Variants in AP1M1 observed in about 807,000 individuals in gnomAD.
AP1M1 encodes the protein AP-1 complex subunit mu-1.
In AP1M1, 18 loss-of-function variants were observed where a neutral mutation model predicts 57.1. The observed-to-expected ratio is 0.32, with a 90% CI of 0.22 to 0.47. The LOEUF (loss-of-function observed/expected upper bound fraction) is 0.47. AP1M1 is among the 20% of genes least tolerant of loss of function. AP1M1 has a pLI of 1.00. For missense variants in AP1M1, 362 were observed against 593.5 expected (o/e 0.61, Z 4.05); for synonymous variants, 241 against 237.9 (o/e 1.01, Z -0.12).
Position 16,206,958 on chromosome 19 carries a change from G to A in AP1M1, c.267+550G>A, listed in dbSNP as rs2091472015. Reference sequence around the variant, plus strand: ...AGAGTATGAGGCTGAGGTCAGCTGGGAAGAGGGCGGATTATACAGGAGTGT... The same window carrying A: ...AGAGTATGAGGCTGAGGTCAGCTGGAAAGAGGGCGGATTATACAGGAGTGT... On this transcript the variant is annotated intron_variant, in intron 3 of 11. Coordinates refer to ENST00000291439, the MANE Select transcript of AP1M1 (RefSeq NM_032493.4). This position sits in a 1 kb window ranked among gnomAD's most constrained non-coding sequence, Gnocchi z 4.3. 6.6e-6 allele frequency among the ~76,000 whole-genome samples: 1 copy of A among 152,230 alleles called. No homozygotes were observed. The highest frequency in any genetic ancestry group is 6.5e-5 in the Admixed American group (1 of 15,286).
intron 1 of AP1M1, chr19:16,198,354 G>A: frequency 4.6e-6 from 1 of 218,678 alleles, no homozygotes; most frequent in Non-Finnish European, 9.0e-6. Context: ...GGGGCCGGGG[G>A]CTCGGGCCTC....
At position 16,197,975 on chromosome 19, in the gene AP1M1, T is replaced by TCGCTGCCGACGCCACCGCCCTCGGC; in HGVS notation, c.-44_-43insACGCCACCGCCCTCGGCCGCTGCCG. 4 of 1,451,820 alleles carry TCGCTGCCGACGCCACCGCCCTCGGC rather than the reference T, an allele frequency of 2.8e-6. No homozygotes were observed. Among genetic ancestry groups the TCGCTGCCGACGCCACCGCCCTCGGC allele is most frequent in the South Asian group, 1.3e-5 (1 of 77,830 alleles). 89.9% of individuals were successfully genotyped at this position (1,451,820 alleles called of 1,614,324 possible). On this transcript the variant is annotated 5_prime_UTR_variant, in exon 1 of 12. Coordinates refer to ENST00000291439, the MANE Select transcript of AP1M1 (RefSeq NM_032493.4). The stretch of plus-strand genomic sequence containing the variant: ...GCTCAACGCCCAGCAGTCCCCACCG[T>TCGCTGCCGACGCCACCGCCCTCGGC]CGCTGCCGCCGCCACCGCCCTCGGC...
rs59357311 is a variant in AP1M1 at position 16,215,463 on chromosome 19, C to CAAAAAAAA, written c.546+6308_546+6315dup. Among the ~76,000 whole-genome samples the CAAAAAAAA allele has an allele frequency of 5.5e-4, 17 of 31,006 alleles. 1 individual carries two copies. Among genetic ancestry groups the CAAAAAAAA allele is most frequent in the African/African-American group, 1.1e-3 (13 of 11,838 alleles). The allele number at this position is 31,006 out of a possible 152,430, so 20.3% of individuals were successfully genotyped here. A position where few individuals can be genotyped will look rare whatever the true frequency, so the allele number is the denominator to read the frequency against. On this transcript the variant is annotated intron_variant, in intron 5 of 11. Coordinates refer to ENST00000291439, the MANE Select transcript of AP1M1 (RefSeq NM_032493.4). Reference sequence around the variant, plus strand: ...TGGGCCACAGAATGAGATTCCATCTCAAAAAAAAAAAAAAAAAAAAAAAAA... The same window carrying CAAAAAAAA: ...TGGGCCACAGAATGAGATTCCATCTCAAAAAAAAAAAAAAAAAAAAAAAAAAAAAAAAA...
At chr19:16,233,440 G>T in intron 9 of AP1M1, 53 bp from the exon 10 acceptor site, 1 of 1,512,774 alleles carries the variant, frequency 6.6e-7, no homozygotes, top group South Asian at 1.2e-5. Context: ...CAGAGCTGTT[G>T]GCTAAGCTGG....
chr19:16,207,274 G>A lies in AP1M1; in HGVS notation c.268-745G>A, dbSNP rs1045607133. On this transcript the variant is annotated intron_variant, in intron 3 of 11. Transcript: ENST00000291439. This position sits in a 1 kb window ranked among gnomAD's most constrained non-coding sequence, Gnocchi z 4.2. Reference sequence around the variant, plus strand: ...TTGGGGAACAGGGGCAAGCCTGGGCGGTGAGGGCTTGGGGAAGGAGCCGAG... The same window carrying A: ...TTGGGGAACAGGGGCAAGCCTGGGCAGTGAGGGCTTGGGGAAGGAGCCGAG... Among the ~76,000 whole-genome samples the A allele has an allele frequency of 5.3e-5, 8 of 152,102 alleles. No homozygotes were observed. The highest frequency in any genetic ancestry group is 6.5e-5 in the Admixed American group (1 of 15,274).
chr19:16,206,345 T>G lies in AP1M1; in HGVS notation c.204T>G (p.Val68=). 1 of 1,614,146 alleles carries G rather than the reference T, an allele frequency of 6.2e-7. No individual in the cohort carries two copies. Among genetic ancestry groups the G allele is most frequent in the South Asian group, 1.1e-5 (1 of 91,074 alleles). The change falls in exon 3 of 12, where the codon GTT becomes GTG. Residue 68 remains valine (V), a synonymous_variant. Transcript: ENST00000291439. The surrounding 1 kb of genome is among the most constrained non-coding windows in gnomAD (Gnocchi z 4.3). Reference sequence around the variant, plus strand: ...TTAACTGTGGCCGCCATGCAGTGGTTGCCACATCCAAGAAGAACGCGTGCG... The same window carrying G: ...TTAACTGTGGCCGCCATGCAGTGGTGGCCACATCCAAGAAGAACGCGTGCG... The part of the protein sequence containing the change: ...MWIKHNNLYL[V]ATSKKNACVS...
At chr19:16,223,741 T>C (rs1252963407) in intron 5 of AP1M1, among the ~76,000 whole-genome samples, 1 of 152,098 alleles carries the variant, frequency 6.6e-6, no homozygotes, top group Non-Finnish European at 1.5e-5. Context: ...GTGGGAACAC[T>C]CTGCATTCGT....
intron 5 of AP1M1, among the ~76,000 whole-genome samples, chr19:16,225,065 G>T (rs755080373): frequency 6.6e-6 from 1 of 152,196 alleles, no homozygotes; most frequent in East Asian, 1.9e-4. Context: ...GCACGAGGAG[G>T]TGAGGCTGGG....
intron 5 of AP1M1, among the ~76,000 whole-genome samples, chr19:16,225,295 G>T (rs966316958): frequency 1.3e-5 from 2 of 152,250 alleles, no homozygotes; most frequent in African/African-American, 4.8e-5. Context: ...GCACATGTTA[G>T]CCTGGCTGGA....
chr19:16,198,170 C>A, intron 1 of AP1M1, 102 bp downstream of exon 1: 1 of 1,366,652 alleles, frequency 7.3e-7, no homozygotes, highest in Non-Finnish European at 1.0e-6. Flanking sequence ...TGAGCCCCAT[C>A]CTGGTGTGAG....
Position 16,243,243 on chromosome 19 carries a change from GTTTTTTTTGTTT to G in AP1M1, c.*8811_*8822del, listed in dbSNP as rs1364598235. On this transcript the variant is annotated 3_prime_UTR_variant, in exon 12 of 12. Transcript: ENST00000291439. ...TTTAAAATATTTCCAAATATGAGAG[GTTTTTTTTGTTT>G]TTGTTTTTGTTTTTGTTTTTGTTTT... 1.7e-5 allele frequency: 2 copies of G among 116,600 alleles called. No homozygotes were observed. The highest frequency in any genetic ancestry group is 1.0e-4 in the Admixed American group (1 of 9,846). The allele number at this position is 116,600 out of a possible 1,614,324, so 7.2% of individuals were successfully genotyped here. A position where few individuals can be genotyped will look rare whatever the true frequency, so the allele number is the denominator to read the frequency against.
Position 16,203,448 on chromosome 19 carries a change from C to T in AP1M1, c.43-11C>T. 1 of 1,614,144 alleles carries T rather than the reference C, an allele frequency of 6.2e-7. No individual in the cohort carries two copies. Among genetic ancestry groups the T allele is most frequent in the African/African-American group, 1.3e-5 (1 of 75,046 alleles). ...AATGCAAGCATCTTTTCTCTTCCTT[C>T]CCCACCCCAGGTGCTCATCTGCCGG... On this transcript the variant is annotated splice_polypyrimidine_tract_variant and intron_variant, in intron 1 of 11. Coordinates refer to ENST00000291439, the MANE Select transcript of AP1M1 (RefSeq NM_032493.4). The surrounding 1 kb of genome is among the most constrained non-coding windows in gnomAD (Gnocchi z 4.6).
rs1228704201 is a variant in AP1M1, at chr19:16,237,692, C to T, written c.*3257C>T. The T allele has an allele frequency of 2.7e-5, 4 of 146,598 alleles. No individual in the cohort carries two copies. The highest frequency in any genetic ancestry group is 5.1e-5 in the African/African-American group (2 of 39,492). 9.1% of individuals were successfully genotyped at this position (146,598 alleles called of 1,614,324 possible). On this transcript the variant is annotated 3_prime_UTR_variant, in exon 12 of 12. Transcript: ENST00000291439. ...GAGGTTGCAGTGAGCCGAGATCATA[C>T]CACCTGCACTCCAGCCTGGGCAACA...
At position 16,206,441 on chromosome 19, in the gene AP1M1, G is replaced by A. The variant is rs200974592; in HGVS notation, c.267+33G>A. 7.5e-5 allele frequency: 121 copies of A among 1,611,836 alleles called. No individual in the cohort carries two copies. In the Middle Eastern group the frequency reaches 4.5e-3, roughly 59 times the overall value. Reference sequence around the variant, plus strand: ...TCGCTCGGAGGGGCCGTGGGCTTGGGTGGAGGTTGTCTTGGCTCTGCTTGT... The same window carrying A: ...TCGCTCGGAGGGGCCGTGGGCTTGGATGGAGGTTGTCTTGGCTCTGCTTGT... On this transcript the variant is annotated intron_variant, in intron 3 of 11. Coordinates refer to ENST00000291439, the MANE Select transcript of AP1M1 (RefSeq NM_032493.4). This position sits in a 1 kb window ranked among gnomAD's most constrained non-coding sequence, Gnocchi z 4.3.
chr19:16,209,224 C>T (rs370207985), intron 5 of AP1M1, 47 bp downstream of exon 5: 8 of 1,598,174 alleles, frequency 5.0e-6, no homozygotes, highest in South Asian at 4.4e-5. Flanking sequence ...ATCTCTTCCA[C>T]GATAGAAATA....
In AP1M1 at chr19:16,231,948, A is replaced by G. The variant is rs188315098; in HGVS notation, c.1048-1545A>G. Among the ~76,000 whole-genome samples the G allele has an allele frequency of 3.2e-3, 481 of 152,334 alleles. 4 individuals carry two copies. The highest frequency in any genetic ancestry group is 0.017 in the South Asian group (81 of 4,832). Reference sequence around the variant, plus strand: ...AGGTTAGGGAATTTGATATGTGCCCATGGGTGGCCATGGCACATGACACTG... The same window carrying G: ...AGGTTAGGGAATTTGATATGTGCCCGTGGGTGGCCATGGCACATGACACTG... On this transcript the variant is annotated intron_variant, in intron 9 of 11. Coordinates refer to ENST00000291439, the MANE Select transcript of AP1M1 (RefSeq NM_032493.4).
intron 1 of AP1M1, among the ~76,000 whole-genome samples, chr19:16,202,196 G>A (rs2091451535): frequency 6.6e-6 from 1 of 152,208 alleles, no homozygotes; most frequent in Admixed American, 6.5e-5. Flanking sequence ...AAGGCAGCGT[G>A]TGATGAAATG....
chr19:16,230,578 T>C (rs925203482), intron 9 of AP1M1, among the ~76,000 whole-genome samples: 4 of 152,146 alleles, frequency 2.6e-5, no homozygotes, highest in African/African-American at 9.7e-5. Flanking sequence ...TTTTTGTATT[T>C]TTAATAGAGA....
intron 1 of AP1M1, among the ~76,000 whole-genome samples, chr19:16,198,582 G>A (rs797019958): frequency 1.6e-4 from 24 of 152,310 alleles, no homozygotes; most frequent in African/African-American, 4.8e-4. Context: ...ACAAGGATTA[G>A]GTGAGGTGAG....
Sources: gnomAD v4.1 joint callset for allele counts (sites outside exome capture counted in the v4.1 genomes callset) on GRCh38, gnomAD v4.1.1 for gene constraint, Gnocchi (gnomAD v3.1) non-coding constraint, MANE v1.5 for transcripts, NCBI Gene and HGNC (gene_info 2026-07-23, HGNC 2026-07-21) for gene names.